GOT2: variants seen among roughly 807,000 people sequenced by gnomAD.
GOT2 encodes the protein glutamic-oxaloacetic transaminase 2.
Under a neutral mutation model 50.0 loss-of-function variants are expected in GOT2, and 17 were observed. That is an observed-to-expected ratio of 0.34 (90% CI 0.23 to 0.51). The LOEUF (loss-of-function observed/expected upper bound fraction) is 0.51. GOT2 is among the 20% of genes least tolerant of loss of function. The probability of loss-of-function intolerance (pLI) is 0.97; values close to 1 mark genes in which losing one functional copy is unlikely to be tolerated. For synonymous variants in GOT2, 172 were observed against 204.9 expected (o/e 0.84, Z 1.37); for missense variants, 430 against 559.6 (o/e 0.77, Z 2.34).
chr16:58,718,258 G>C lies in GOT2; in HGVS notation c.640C>G (p.His214Asp). 1 of 1,614,068 alleles carries C rather than the reference G, an allele frequency of 6.2e-7. No individual in the cohort carries two copies. Among genetic ancestry groups the C allele is most frequent in the Non-Finnish European group, 8.5e-7 (1 of 1,179,926 alleles). The change falls in exon 6 of 10, where the codon CAC becomes GAC. Residue 214 changes from histidine (H) to aspartate (D), a missense_variant. Physicochemically the swap from His to Asp is moderately conservative, Grantham distance 81. Coordinates refer to ENST00000245206, the MANE Select transcript of GOT2 (RefSeq NM_002080.4). ...CGCGGGTCCACTCCCGTGGGATTGT[G>C]GGCGCAGGCATGCAGAAGAAGAACA... ...QSVLLLHACA[H>D]NPTGVDPRPE...
rs116451445 is a variant in GOT2 at position 58,711,421 on chromosome 16, T to C, written c.1020-1854A>G. On this transcript the variant is annotated intron_variant, in intron 8 of 9. Transcript: ENST00000245206. ...CTCCATTCCCATGGCTCTGGGACAT[T>C]CTTGGCTCTCACCAATGACATTCCC... Among the ~76,000 whole-genome samples the C allele has an allele frequency of 1.7e-3, 253 of 152,286 alleles. 1 individual carries two copies. Among genetic ancestry groups the C allele is most frequent in the African/African-American group, 5.8e-3 (241 of 41,562 alleles).
intron 4 of GOT2, 51 bp downstream of exon 4, chr16:58,719,145 C>A (rs573040419): frequency 1.6e-6 from 2 of 1,271,612 alleles, no homozygotes; most frequent in South Asian, 1.2e-5. Context: ...CAACAGGAAG[C>A]CCTGTCATCT....
intron 1 of GOT2, among the ~76,000 whole-genome samples, chr16:58,733,643 G>T (rs1415906656): frequency 6.6e-6 from 1 of 152,000 alleles, no homozygotes; most frequent in Non-Finnish European, 1.5e-5. Context: ...CCCGAATGCC[G>T]GCGCCCCGGA....
At chr16:58,725,589 G>C (rs917317611) in intron 1 of GOT2, among the ~76,000 whole-genome samples, 1 of 152,066 alleles carries the variant, frequency 6.6e-6, no homozygotes, top group African/African-American at 2.4e-5. Context: ...ATTTTTACAT[G>C]CTCGAGAGGC....
chr16:58,730,801 G>A (rs2044829748), intron 1 of GOT2, among the ~76,000 whole-genome samples: 3 of 152,122 alleles, frequency 2.0e-5, no homozygotes, highest in Admixed American at 2.0e-4. Context: ...TAAAGGAATC[G>A]AGTAGATGAA....
Position 58,708,253 on chromosome 16 carries a change from T to C in GOT2, c.1211A>G (p.Lys404Arg). The C allele has an allele frequency of 1.2e-6, 2 of 1,614,004 alleles. No homozygotes were observed. The highest frequency in any genetic ancestry group is 1.7e-6 in the Non-Finnish European group (2 of 1,179,904). Reference sequence around the variant, plus strand: ...CCCTGCCACAGAGATGCGGCCATCTTTTGTCATGTAGATGGAGAACTCCTT... The same window carrying C: ...CCCTGCCACAGAGATGCGGCCATCTCTTGTCATGTAGATGGAGAACTCCTT... ...LIKEFSIYMT[K>R]DGRISVAGVT... The change falls in exon 10 of 10, where the codon AAA (lysine) becomes AGA (arginine). Residue 404 changes from lysine to arginine, a missense_variant. Lys to Arg is a conservative substitution (Grantham distance 26, BLOSUM62 2). Transcript: ENST00000245206.
intron 1 of GOT2, among the ~76,000 whole-genome samples, chr16:58,729,007 T>C (rs2044810763): frequency 6.6e-6 from 1 of 152,024 alleles, no homozygotes; most frequent in African/African-American, 2.4e-5. Flanking sequence ...TTTCAATTAC[T>C]ACTGCATAGT....
rs1428127326 is a variant in GOT2 at position 58,707,713 on chromosome 16, A to C, written c.*458T>G. 4 of 152,374 alleles carry C rather than the reference A, an allele frequency of 2.6e-5. No homozygotes were observed. The highest frequency in any genetic ancestry group is 9.6e-5 in the African/African-American group (4 of 41,464). The allele number at this position is 152,374 out of a possible 1,614,324, so 9.4% of individuals were successfully genotyped here. ...GGTTTTCATAAAACATCATTTCTGCAGTGCGGCCTGTTGATAAGGTTGTTC... is the reference window on the plus strand; with the variant it reads ...GGTTTTCATAAAACATCATTTCTGCCGTGCGGCCTGTTGATAAGGTTGTTC... On this transcript the variant is annotated 3_prime_UTR_variant, in exon 10 of 10. Transcript: ENST00000245206.
At chr16:58,714,539 G>A (rs1049538600) in intron 8 of GOT2, among the ~76,000 whole-genome samples, 21 of 147,764 alleles carry the variant, frequency 1.4e-4, no homozygotes, top group African/African-American at 5.0e-4. Context: ...GCGACAGAGC[G>A]AGACTCCGTC....
In GOT2 at chr16:58,733,883, T is replaced by C. The variant is rs768127584; in HGVS notation, c.89+257A>G. 8.1e-4 allele frequency: 315 copies of C among 389,222 alleles called. No homozygotes were observed. In the Middle Eastern group the frequency reaches 8.8e-3, roughly 11 times the overall value. The allele number at this position is 389,222 out of a possible 1,614,324, so 24.1% of individuals were successfully genotyped here. A position where few individuals can be genotyped will look rare whatever the true frequency, so the allele number is the denominator to read the frequency against. ...GGGCCACACTTCCTTTCCCTAGGGA[T>C]TGCGTTGCACGCCTTCCTGCAGGGC... On this transcript the variant is annotated intron_variant, in intron 1 of 9. Transcript: ENST00000245206.
At position 58,734,129 on chromosome 16, in the gene GOT2, C is replaced by T. The variant is rs2044858004; in HGVS notation, c.89+11G>A. ...ATCGCCCTGGCTCCATCTCCGTTTC[C>T]CTTGGCTTACCTGGCTCTGGCAGAG... On this transcript the variant is annotated intron_variant, in intron 1 of 9. Coordinates refer to ENST00000245206, the MANE Select transcript of GOT2 (RefSeq NM_002080.4). 7.6e-7 allele frequency: 1 copy of T among 1,315,654 alleles called. No homozygotes were observed. Among genetic ancestry groups the T allele is most frequent in the East Asian group, 2.8e-5 (1 of 35,704 alleles). The allele number at this position is 1,315,654 out of a possible 1,614,324, so 81.5% of individuals were successfully genotyped here. A position where few individuals can be genotyped will look rare whatever the true frequency, so the allele number is the denominator to read the frequency against.
At chr16:58,708,731 AC>A (rs2152092972) in intron 9 of GOT2, among the ~76,000 whole-genome samples, 1 of 152,304 alleles carries the variant, frequency 6.6e-6, no homozygotes, top group East Asian at 1.9e-4. Flanking sequence ...CAATTATGAA[AC>A]AGCTATTTCT....
At chr16:58,719,556 G>A (rs113614013) in intron 3 of GOT2, among the ~76,000 whole-genome samples, 7 of 152,148 alleles carry the variant, frequency 4.6e-5, no homozygotes, top group African/African-American at 1.4e-4. Context: ...TCAGGAGTTC[G>A]AGACCAGCCT....
intron 1 of GOT2, 50 bp downstream of exon 1, chr16:58,734,090 G>C: frequency 9.0e-7 from 1 of 1,107,726 alleles, no homozygotes; most frequent in Non-Finnish European, 1.2e-6. Flanking sequence ...CTCGCAGCTC[G>C]GCGGGGCAGG....
chr16:58,728,008 C>T (rs1452875072), intron 1 of GOT2, among the ~76,000 whole-genome samples: 1 of 152,054 alleles, frequency 6.6e-6, no homozygotes. Context: ...GTACTTGTGG[C>T]TAGTCAGCAC....
chr16:58,723,900 G>A lies in GOT2; in HGVS notation c.92C>T (p.Ser31Phe). Residue 31 changes from serine (S) to phenylalanine (F), a missense_variant and splice_region_variant, in exon 2 of 10, where the codon TCC becomes TTC. Ser to Phe is a radical substitution (Grantham distance 155). Coordinates refer to ENST00000245206, the MANE Select transcript of GOT2 (RefSeq NM_002080.4). ...LAAAASARAS[S>F]WWTHVEMGPP... Reference sequence around the variant, plus strand: ...TCCCATTTCCACATGGGTCCACCAGGAGCTGAAATGAGAAACACATTAGCT... The same window carrying A: ...TCCCATTTCCACATGGGTCCACCAGAAGCTGAAATGAGAAACACATTAGCT... The A allele has an allele frequency of 6.2e-7, 1 of 1,612,556 alleles. No homozygotes were observed. The highest frequency in any genetic ancestry group is 8.5e-7 in the Non-Finnish European group (1 of 1,179,166).
In GOT2 at chr16:58,718,509, C is replaced by T. The variant is rs140073258; in HGVS notation, c.597+18G>A. 7.7e-3 allele frequency: 12,003 copies of T among 1,559,898 alleles called. 67 individuals are homozygous for T. Among genetic ancestry groups the T allele is most frequent in the Non-Finnish European group, 8.5e-3 (9,784 of 1,154,098 alleles). On this transcript the variant is annotated intron_variant, in intron 5 of 9. Transcript: ENST00000245206. ...AAGGAGTTTTATTCACCTCTCTCAC[C>T]CTGAAAGCCACACTTACTGAAATAT... is the stretch of plus-strand genomic sequence containing the variant.
chr16:58,716,569 C>A, intron 7 of GOT2, 94 bp downstream of exon 7: 1 of 973,314 alleles, frequency 1.0e-6, no homozygotes, highest in Admixed American at 2.2e-5. Context: ...GACACACACA[C>A]ACACACACAC....
At chr16:58,728,783 C>T (rs1368680756) in intron 1 of GOT2, among the ~76,000 whole-genome samples, 13 of 152,120 alleles carry the variant, frequency 8.5e-5, no homozygotes, top group African/African-American at 2.7e-4. Context: ...CGGGTTCAAG[C>T]GATTCTCCTG....
Sources: gnomAD v4.1 joint callset for allele counts (sites outside exome capture counted in the v4.1 genomes callset) on GRCh38, gnomAD v4.1.1 for gene constraint, MANE v1.5 for transcripts, NCBI Gene and HGNC (gene_info 2026-07-23, HGNC 2026-07-21) for gene names.